IL5: variants seen among roughly 807,000 people sequenced by gnomAD.
IL5 encodes interleukin 5.
IL5 carries 12 observed loss-of-function variants against 16.3 expected under a neutral mutation model. The ratio of observed to expected loss-of-function variants is 0.74; its 90% CI spans 0.47 to 1.20. The LOEUF (loss-of-function observed/expected upper bound fraction) is 1.20, where lower values mean the gene tolerates loss of function less well. Among genes scored for constraint, IL5 ranks in the 50% most tolerant of loss-of-function variants. The pLI is 0.00. For synonymous variants in IL5, 54 were observed against 56.6 expected (o/e 0.95, Z 0.21); for missense variants, 159 against 153.9 (o/e 1.03, Z -0.17).
At chr5:132,555,258 C>T (rs918135639) in intron 1 of IL5, among the ~76,000 whole-genome samples, 7 of 152,018 alleles carry the variant, frequency 4.6e-5, no homozygotes, top group Admixed American at 1.3e-4. Context: ...ATGGATGAAC[C>T]TTGAGGACAT....
chr5:132,555,578 C>A (rs925223897), intron 1 of IL5, among the ~76,000 whole-genome samples: 2 of 152,178 alleles, frequency 1.3e-5, no homozygotes, highest in African/African-American at 4.8e-5. Flanking sequence ...TGCAGTGGTG[C>A]GGTCTCGGCT....
chr5:132,544,512 C>A (rs1167467973), upstream of IL5, among the ~76,000 whole-genome samples: 6 of 152,190 alleles, frequency 3.9e-5, no homozygotes, highest in Non-Finnish European at 5.9e-5. Flanking sequence ...TGGATGTGTC[C>A]TCTCCTTTAT....
At chr5:132,554,366 CAAAAAAAAAAAA>C (rs70974050) in intron 1 of IL5, among the ~76,000 whole-genome samples, 2 of 80,996 alleles carry the variant, frequency 2.5e-5, no homozygotes, top group South Asian at 9.2e-4. Context: ...GACTCCATCT[CAAAAAAAAAAAA>C]AAAAAAAAAG....
chr5:132,555,350 G>C (rs1305131400), intron 1 of IL5, among the ~76,000 whole-genome samples: 3 of 152,178 alleles, frequency 2.0e-5, no homozygotes, highest in Non-Finnish European at 4.4e-5. Flanking sequence ...AAATTATAGA[G>C]ACAGTAAGTA....
upstream of IL5, among the ~76,000 whole-genome samples, chr5:132,545,368 G>C (rs1341408585): frequency 6.6e-6 from 1 of 152,106 alleles, no homozygotes; most frequent in Non-Finnish European, 1.5e-5. Context: ...TTCTATCATA[G>C]GAGGCTGGGC....
chr5:132,545,468 C>T (rs1198596951), upstream of IL5, among the ~76,000 whole-genome samples: 1 of 151,882 alleles, frequency 6.6e-6, no homozygotes, highest in Non-Finnish European at 1.5e-5. Flanking sequence ...GCCCAGGCAA[C>T]ATAGTGAGAC....
intron 2 of IL5, 79 bp from the exon 3 acceptor site, chr5:132,542,222 A>G: frequency 1.1e-6 from 1 of 875,030 alleles, no homozygotes; most frequent in Non-Finnish European, 1.8e-6. Flanking sequence ...TCTGCAATGT[A>G]TACATACTTC....
chr5:132,547,073 AT>A (rs1446814846), upstream of IL5, among the ~76,000 whole-genome samples: 1 of 152,208 alleles, frequency 6.6e-6, no homozygotes, highest in Non-Finnish European at 1.5e-5. Context: ...ATAAAAGTTA[AT>A]GATTTTAATC....
At chr5:132,543,257 C>G in intron 1 of IL5, 78 bp downstream of exon 1, 1 of 1,426,618 alleles carries the variant, frequency 7.0e-7, no homozygotes, top group East Asian at 2.3e-5. Context: ...TATAACAGAT[C>G]TCTATATATA....
Position 132,542,056 on chromosome 5 carries a change from T to C in IL5, c.265A>G (p.Lys89Glu). ...TATTTCTTTATTAAGGACAAGTTTT[T>C]GAATAGTCTTTCCACAGTACCCCCT... Reference protein sequence around the residue: ...VQGGTVERLFKNLSLIKKYID... With the variant: ...VQGGTVERLFENLSLIKKYID... Residue 89 changes from lysine to glutamate, a missense_variant, in exon 3 of 4, where the codon AAA (lysine) becomes GAA (glutamate). By Grantham distance (56) the Lys-to-Glu change is moderately conservative. Coordinates refer to ENST00000231454, the MANE Select transcript of IL5 (RefSeq NM_000879.3). 1.9e-6 allele frequency: 3 copies of C among 1,613,994 alleles called. No homozygotes were observed. The highest frequency in any genetic ancestry group is 1.1e-5 in the South Asian group (1 of 91,072).
intron 1 of IL5, among the ~76,000 whole-genome samples, chr5:132,554,248 T>G (rs1273293672): frequency 2.6e-5 from 4 of 151,432 alleles, no homozygotes; most frequent in Non-Finnish European, 5.9e-5. Context: ...GTGCCTGTAA[T>G]CCCAGCTACT....
At position 132,543,337 on chromosome 5, in the gene IL5, C is replaced by T. The variant is rs1050043156; in HGVS notation, c.142G>A (p.Glu48Lys). 2 of 1,613,678 alleles carry T rather than the reference C, an allele frequency of 1.2e-6. No individual in the cohort carries two copies. Among genetic ancestry groups the T allele is most frequent in the African/African-American group, 1.3e-5 (1 of 75,048 alleles). The change falls in exon 1 of 4, where the codon GAG (glutamate) becomes AAG (lysine). Residue 48 changes from glutamate to lysine, a missense_variant and splice_region_variant. Coordinates refer to ENST00000231454, the MANE Select transcript of IL5 (RefSeq NM_000879.3). Reference sequence around the variant, plus strand: ...GTAGGAATCATAAAGAAAATTACCTCATTGGCTATCAGCAGAGTTCGATGA... The same window carrying T: ...GTAGGAATCATAAAGAAAATTACCTTATTGGCTATCAGCAGAGTTCGATGA... ...STHRTLLIANETLRIPVPVHK... is the reference protein window; with the variant it reads ...STHRTLLIANKTLRIPVPVHK...
rs1749691321 is a variant in IL5, at chr5:132,541,658, T to C, written c.*153A>G. 1 of 514,146 alleles carries C rather than the reference T, an allele frequency of 1.9e-6. No homozygotes were observed. The highest frequency in any genetic ancestry group is 2.0e-5 in the African/African-American group (1 of 50,948). The allele number at this position is 514,146 out of a possible 1,614,324, so 31.8% of individuals were successfully genotyped here. ...TATATTTTAAGAATTTTATGCTTTC[T>C]GGCAAAGTGTCAGTATGCCTGAAAT... On this transcript the variant is annotated 3_prime_UTR_variant, in exon 4 of 4. Coordinates refer to ENST00000231454, the MANE Select transcript of IL5 (RefSeq NM_000879.3).
At position 132,541,803 on chromosome 5, in the gene IL5, G is replaced by C. The variant is rs1580962949; in HGVS notation, c.*8C>G. On this transcript the variant is annotated 3_prime_UTR_variant, in exon 4 of 4. Transcript: ENST00000231454. ...CAAAATCTTTGGCTGCAACAAACCA[G>C]TTTAGTCTCAACTTTCTATTATCCA... 6 of 1,591,510 alleles carry C rather than the reference G, an allele frequency of 3.8e-6. No individual in the cohort carries two copies. In the South Asian group the frequency reaches 5.6e-5, roughly 15 times the overall value.
At chr5:132,543,559 T>A, upstream of IL5, 12 of 1,393,968 alleles carry the variant, frequency 8.6e-6, no homozygotes, top group Non-Finnish European at 1.9e-6. Context: ...TTATTGTCTG[T>A]CTTTGAGGAA....
At chr5:132,551,272 C>T (rs556212228) in intron 1 of IL5, among the ~76,000 whole-genome samples, 2 of 152,290 alleles carry the variant, frequency 1.3e-5, no homozygotes, top group Admixed American at 1.3e-4. Flanking sequence ...TATAAAATTG[C>T]ATTAGAAATC....
At chr5:132,545,830 G>T (rs1749775117), upstream of IL5, among the ~76,000 whole-genome samples, 1 of 152,154 alleles carries the variant, frequency 6.6e-6, no homozygotes, top group Non-Finnish European at 1.5e-5. Flanking sequence ...TGAGGCAGGA[G>T]AATTGCTTGA....
rs184156808 is a variant in IL5 at position 132,550,462 on chromosome 5, T to C, written c.42+6212A>G. Among the ~76,000 whole-genome samples, 1,003 of 152,052 alleles carry C rather than the reference T, an allele frequency of 6.6e-3. 15 individuals are homozygous for C. The highest frequency in any genetic ancestry group is 0.023 in the African/African-American group (964 of 41,482). On this transcript the variant is annotated intron_variant, in intron 1 of 2. Transcript: ENST00000450655. Reference sequence around the variant, plus strand: ...CCTCAGCCTCCAGAGAAGCTGGGACTAAAGGCACGCGCCATCATGCCCAGC... The same window carrying C: ...CCTCAGCCTCCAGAGAAGCTGGGACCAAAGGCACGCGCCATCATGCCCAGC...
In IL5 at chr5:132,543,391, C is replaced by T. The variant is rs751285038; in HGVS notation, c.88G>A (p.Val30Met). The T allele has an allele frequency of 7.4e-6, 12 of 1,614,070 alleles. 1 individual carries two copies. The African/African-American group carries it at 1.2e-4, about 16-fold the overall frequency. ...IPTEIPTSAL[V>M]KETLALLSTH... ...GAAAGCAGTGCCAAGGTCTCTTTCACCAATGCACTTGTGGGAATTTCTGTG... is the reference window on the plus strand; with the variant it reads ...GAAAGCAGTGCCAAGGTCTCTTTCATCAATGCACTTGTGGGAATTTCTGTG... Residue 30 changes from valine (V) to methionine (M), a missense_variant, in exon 1 of 4, where the codon GTG (valine) becomes ATG (methionine). By Grantham distance (21) the Val-to-Met change is conservative. Transcript: ENST00000231454.
Sources: allele counts gnomAD v4.1 joint callset (sites outside exome capture counted in the v4.1 genomes callset), GRCh38; gene constraint gnomAD v4.1.1; transcripts MANE v1.5; gene names NCBI Gene and HGNC (gene_info 2026-07-23, HGNC 2026-07-21).